EXOC3L2: variants seen among roughly 807,000 people sequenced by gnomAD.
EXOC3L2 encodes exocyst complex component 3-like protein 2.
In EXOC3L2, 17 loss-of-function variants were observed where a neutral mutation model predicts 44.4. That is an observed-to-expected ratio of 0.38 (90% CI 0.26 to 0.57). The LOEUF is 0.57. Among genes scored for constraint, EXOC3L2 ranks in the 20% least tolerant of loss-of-function variants. EXOC3L2 has a pLI of 0.65. For missense variants in EXOC3L2, 541 were observed against 588.4 expected, an observed-to-expected ratio of 0.92 and a Z score of 0.83; for synonymous variants, 256 against 253.7, an observed-to-expected ratio of 1.01 and a Z score of -0.09.
chr19:45,227,939 C>T (rs1969983748), intron 6 of EXOC3L2, 35 bp downstream of exon 6: 1 of 1,603,054 alleles, frequency 6.2e-7, no homozygotes, highest in Non-Finnish European at 8.5e-7. Flanking sequence ...GCCCAACCCC[C>T]AGCAGAGCTA....
intron 9 of EXOC3L2, 39 bp downstream of exon 9, chr19:45,218,158 T>TTGGCC: frequency 3.9e-6 from 4 of 1,034,904 alleles, no homozygotes; most frequent in Non-Finnish European, 5.4e-6. Flanking sequence ...TCCCCTCTTT[T>TTGGCC]CCCCCACCCC....
At position 45,237,559 on chromosome 19, in the gene EXOC3L2, G is replaced by GA. The variant is rs1970094690; in HGVS notation, c.523+963dup. Among the ~76,000 whole-genome samples, 4 of 152,286 alleles carry GA rather than the reference G, an allele frequency of 2.6e-5. No homozygotes were observed. The South Asian group carries it at 8.3e-4, about 32-fold the overall frequency. On this transcript the variant is annotated intron_variant, in intron 2 of 11. Coordinates refer to ENST00000413988, the MANE Select transcript of EXOC3L2 (RefSeq NM_001382422.1). Reference sequence around the variant, plus strand: ...GGATGAGCTGTACGAGAAGCATACGGATGTGTCTCAGATAGAGACTGATGG... The same window carrying GA: ...GGATGAGCTGTACGAGAAGCATACGGAATGTGTCTCAGATAGAGACTGATGG...
chr19:45,220,300 T>C lies in EXOC3L2; in HGVS notation c.1720-1981A>G, dbSNP rs1294367586. On this transcript the variant is annotated intron_variant, in intron 8 of 11. Coordinates refer to ENST00000413988, the MANE Select transcript of EXOC3L2 (RefSeq NM_001382422.1). Reference sequence around the variant, plus strand: ...GCAACATAGTAAGACTCCCTCTCTATAATTTTTTTTTGTTTGTTTAATTAG... The same window carrying C: ...GCAACATAGTAAGACTCCCTCTCTACAATTTTTTTTTGTTTGTTTAATTAG... 2.7e-5 allele frequency among the ~76,000 whole-genome samples: 4 copies of C among 150,914 alleles called. No individual in the cohort carries two copies. The East Asian group carries it at 7.7e-4, about 29-fold the overall frequency.
In EXOC3L2 at chr19:45,218,409, T is replaced by C. The variant is rs540912844; in HGVS notation, c.1720-90A>G. 1.2e-5 allele frequency: 17 copies of C among 1,432,946 alleles called. No homozygotes were observed. In the African/African-American group the frequency reaches 2.0e-4, roughly 17 times the overall value. The allele number at this position is 1,432,946 out of a possible 1,614,324, so 88.8% of individuals were successfully genotyped here. ...AAGTTCCTGCAACCCTGCTCCGTGT[T>C]GAACCAGGGCTGTGCGGTGCTGGGA... On this transcript the variant is annotated intron_variant, in intron 8 of 11. Transcript: ENST00000413988.
At position 45,224,983 on chromosome 19, in the gene EXOC3L2, C is replaced by T. The variant is rs1969941684; in HGVS notation, c.1584-70G>A. 3.5e-6 allele frequency: 5 copies of T among 1,437,402 alleles called. No homozygotes were observed. The South Asian group carries it at 7.8e-5, about 22-fold the overall frequency. 89.0% of individuals were successfully genotyped at this position (1,437,402 alleles called of 1,614,324 possible). A position where few individuals can be genotyped will look rare whatever the true frequency, so the allele number is the denominator to read the frequency against. On this transcript the variant is annotated intron_variant, in intron 7 of 11. Transcript: ENST00000413988. ...AGCCCAACTGCCTAGGCCTGTCTTC[C>T]CTTAGGTAGATCAGAGGGGCACAGG...
rs553072589 is a variant in EXOC3L2 at position 45,227,901 on chromosome 19, C to T, written c.1472+73G>A. The T allele has an allele frequency of 1.6e-5, 25 of 1,536,236 alleles. No individual in the cohort carries two copies. In the African/African-American group the frequency reaches 2.7e-4, roughly 17 times the overall value. On this transcript the variant is annotated intron_variant, in intron 6 of 11. Coordinates refer to ENST00000413988, the MANE Select transcript of EXOC3L2 (RefSeq NM_001382422.1). ...CTCAGGTGACTCCCTCTCATCTCTC[C>T]TCTCTCTATTGGATCCCAGGCCCTG...
intron 8 of EXOC3L2, among the ~76,000 whole-genome samples, chr19:45,223,459 C>T (rs768766304): frequency 1.2e-4 from 18 of 152,010 alleles, no homozygotes; most frequent in Admixed American, 3.9e-4. Context: ...TCTCCTGCCT[C>T]AGCCTCCAGA....
Position 45,217,626 on chromosome 19 carries a change from G to A in EXOC3L2, c.1900C>T (p.Arg634Cys), listed in dbSNP as rs1476428917. 10 of 1,490,634 alleles carry A rather than the reference G, an allele frequency of 6.7e-6. No homozygotes were observed. The highest frequency in any genetic ancestry group is 2.6e-5 in the East Asian group (1 of 38,408). 92.3% of individuals were successfully genotyped at this position (1,490,634 alleles called of 1,614,324 possible). A position where few individuals can be genotyped will look rare whatever the true frequency, so the allele number is the denominator to read the frequency against. Residue 634 changes from arginine (R) to cysteine (C), a missense_variant, in exon 10 of 12, where the codon CGT (arginine) becomes TGT (cysteine). Physicochemically the swap from Arg to Cys is radical, Grantham distance 180. Coordinates refer to ENST00000413988, the MANE Select transcript of EXOC3L2 (RefSeq NM_001382422.1). ...GCCGAGCTGCAGCGCAGGCGCCCAC[G>A]GAGCAGGGGCCGCACGTACTCGACC... is the stretch of plus-strand genomic sequence containing the variant. ...ALVEYVRPLL[R>C]GRLRCSSART...
rs563288250 is a variant in EXOC3L2 at position 45,227,132 on chromosome 19, T to C, written c.1583+530A>G. ...AAAAAAAAATCTGTCATTCTTTTTTTTTTGAGACGGAGTCTTGCTCTGTCT... is the reference window on the plus strand; with the variant it reads ...AAAAAAAAATCTGTCATTCTTTTTTCTTTGAGACGGAGTCTTGCTCTGTCT... On this transcript the variant is annotated intron_variant, in intron 7 of 11. Coordinates refer to ENST00000413988, the MANE Select transcript of EXOC3L2 (RefSeq NM_001382422.1). 3.5e-3 allele frequency among the ~76,000 whole-genome samples: 527 copies of C among 150,952 alleles called. 3 individuals are homozygous for C. Among genetic ancestry groups the C allele is most frequent in the African/African-American group, 0.012 (485 of 40,980 alleles).
chr19:45,240,437 CAGAA>C (rs1328372205), intron 1 of EXOC3L2, among the ~76,000 whole-genome samples: 1 of 151,880 alleles, frequency 6.6e-6, no homozygotes, highest in Non-Finnish European at 1.5e-5. Context: ...TCCTTAGAGA[CAGAA>C]AGGAGACTGA....
chr19:45,245,025 A>G (rs1970158683), intron 1 of EXOC3L2, among the ~76,000 whole-genome samples: 1 of 151,918 alleles, frequency 6.6e-6, no homozygotes, highest in Non-Finnish European at 1.5e-5. Flanking sequence ...CCAGACTCGC[A>G]GGACATTCGA....
rs536261489 is a variant in EXOC3L2 at position 45,213,240 on chromosome 19, G to A, written c.2238C>T (p.Pro746=). 13 of 1,613,148 alleles carry A rather than the reference G, an allele frequency of 8.1e-6. No homozygotes were observed. In the Admixed American group the frequency reaches 1.5e-4, roughly 19 times the overall value. The change falls in exon 12 of 12, where the codon CCC becomes CCT. Residue 746 remains proline (P), a synonymous_variant. Transcript: ENST00000413988. The part of the protein sequence containing the change: ...LELSEEGALS[P]PRDRAFFADI... ...CTGCAAAGAAGGCACGGTCCCGAGG[G>A]GGTGACAGGGCTCCCTCCTCAGAGA... is the stretch of plus-strand genomic sequence containing the variant.
At chr19:45,226,425 G>A (rs1475824784) in intron 7 of EXOC3L2, among the ~76,000 whole-genome samples, 1 of 152,028 alleles carries the variant, frequency 6.6e-6, no homozygotes, top group African/African-American at 2.4e-5. Flanking sequence ...AACATAGAGA[G>A]ACCTCCATCT....
chr19:45,213,509 C>T, intron 11 of EXOC3L2, 152 bp from the exon 12 acceptor site: 2 of 834,806 alleles, frequency 2.4e-6, no homozygotes, highest in Non-Finnish European at 3.6e-6. Context: ...TCCCTCCAAT[C>T]AGCTCCCTTG....
At position 45,218,327 on chromosome 19, in the gene EXOC3L2, G is replaced by A. The variant is rs1325948190; in HGVS notation, c.1720-8C>T. ...CAGCTTGTTGAAGTGTGGCTGGCAG[G>A]GACAGAGTAGGGGGTCACGCTCTCC... On this transcript the variant is annotated splice_region_variant and splice_polypyrimidine_tract_variant and intron_variant, in intron 8 of 11. Coordinates refer to ENST00000413988, the MANE Select transcript of EXOC3L2 (RefSeq NM_001382422.1). The A allele has an allele frequency of 1.9e-6, 3 of 1,595,914 alleles. No homozygotes were observed. In the African/African-American group the frequency reaches 4.0e-5, roughly 21 times the overall value.
intron 10 of EXOC3L2, among the ~76,000 whole-genome samples, chr19:45,217,281 G>A (rs1969845295): frequency 6.6e-6 from 1 of 152,194 alleles, no homozygotes; most frequent in African/African-American, 2.4e-5. Context: ...ACAATGGATA[G>A]GGACCATTAT....
chr19:45,226,168 A>G (rs900035592), intron 7 of EXOC3L2, among the ~76,000 whole-genome samples: 2 of 152,216 alleles, frequency 1.3e-5, no homozygotes, highest in South Asian at 2.1e-4. Context: ...GTCATATCCC[A>G]TGAGCTTTTG....
chr19:45,215,061 T>A (rs1969819161), intron 11 of EXOC3L2, among the ~76,000 whole-genome samples: 2 of 151,834 alleles, frequency 1.3e-5, no homozygotes, highest in Admixed American at 1.3e-4. Context: ...CACAATAATC[T>A]CTTGAACCCG....
intron 9 of EXOC3L2, 41 bp from the exon 10 acceptor site, chr19:45,217,724 C>T: frequency 7.2e-7 from 1 of 1,385,414 alleles, no homozygotes; most frequent in Non-Finnish European, 9.3e-7. Context: ...GTGAGCCATG[C>T]CCCACGGACT....
Sources: allele counts gnomAD v4.1 joint callset (sites outside exome capture counted in the v4.1 genomes callset), GRCh38; gene constraint gnomAD v4.1.1; transcripts MANE v1.5; gene names NCBI Gene and HGNC (gene_info 2026-07-23, HGNC 2026-07-21).